The following BICC1 variants were observed in gnomAD, a reference collection of about 807,000 sequenced individuals.
The protein encoded by BICC1 is BicC family RNA binding protein 1.
Under a neutral mutation model 111.0 loss-of-function variants are expected in BICC1, and 43 were observed. The ratio of observed to expected loss-of-function variants is 0.39; its 90% CI spans 0.30 to 0.50. The LOEUF is 0.50. Ranked by LOEUF, BICC1 falls within the 20% of genes least tolerant of loss-of-function variation. BICC1 has a pLI of 0.88. For missense variants in BICC1, 1,091 were observed against 1,203.2 expected, an observed-to-expected ratio of 0.91 and a Z score of 1.38; for synonymous variants, 467 against 434.4, an observed-to-expected ratio of 1.07 and a Z score of -0.93.
At chr10:58,540,044 AATC>A (rs1842921503) in intron 1 of BICC1, among the ~76,000 whole-genome samples, 2 of 152,018 alleles carry the variant, frequency 1.3e-5, no homozygotes, top group Admixed American at 1.3e-4. Flanking sequence ...TCAAAGATGA[AATC>A]ATGGGAAATT....
intron 1 of BICC1, among the ~76,000 whole-genome samples, chr10:58,619,580 T>C (rs1465314967): frequency 6.6e-6 from 1 of 151,690 alleles, no homozygotes; most frequent in African/African-American, 2.4e-5. Context: ...GTTCAAGCAA[T>C]TCTCCTGCCT....
chr10:58,763,935 AG>A lies in BICC1; in HGVS notation c.308-21065del, dbSNP rs148174173. The stretch of plus-strand genomic sequence containing the variant: ...AATAAAGCCAAAGGGATCACTTCTA[AG>A]AGCAGAGGCAGAGAAGACAGGAAAC... On this transcript the variant is annotated intron_variant, in intron 3 of 20. Coordinates refer to ENST00000373886, the MANE Select transcript of BICC1 (RefSeq NM_001080512.3). Among the ~76,000 whole-genome samples, 417 of 152,200 alleles carry A rather than the reference AG, an allele frequency of 2.7e-3. 1 individual carries two copies. Among genetic ancestry groups the A allele is most frequent in the African/African-American group, 9.6e-3 (400 of 41,528 alleles).
intron 1 of BICC1, among the ~76,000 whole-genome samples, chr10:58,545,121 T>C (rs1373517225): frequency 6.6e-6 from 1 of 152,148 alleles, no homozygotes; most frequent in African/African-American, 2.4e-5. Context: ...TTAAGCCACC[T>C]AGTTGGTGGT....
Position 58,556,402 on chromosome 10 carries a change from C to T in BICC1, c.190+43069C>T, listed in dbSNP as rs72800554. Among the ~76,000 whole-genome samples the T allele has an allele frequency of 6.6e-3, 1,005 of 152,126 alleles. 6 individuals are homozygous for T. Among genetic ancestry groups the T allele is most frequent in the Admixed American group, 0.012 (189 of 15,252 alleles). On this transcript the variant is annotated intron_variant, in intron 1 of 20. Transcript: ENST00000373886. ...GATGGGCCATAAATCCCCTTAGCAT[C>T]AAAGTTTGCAGCTTGGTTAAGAGTA...
At chr10:58,610,520 G>T (rs1242795728) in intron 1 of BICC1, among the ~76,000 whole-genome samples, 1 of 151,968 alleles carries the variant, frequency 6.6e-6, no homozygotes, top group Non-Finnish European at 1.5e-5. Flanking sequence ...TGTGGGAAAT[G>T]AAATTTTAAA....
chr10:58,807,529 G>A (rs376795587), intron 17 of BICC1, among the ~76,000 whole-genome samples: 4 of 152,180 alleles, frequency 2.6e-5, no homozygotes, highest in South Asian at 2.1e-4. Flanking sequence ...GCAAGGTCAC[G>A]ATGGGGGAAA....
chr10:58,634,216 C>T (rs946543776), intron 2 of BICC1, among the ~76,000 whole-genome samples: 4 of 152,046 alleles, frequency 2.6e-5, no homozygotes, highest in African/African-American at 7.2e-5. Context: ...TGTTCTCAAA[C>T]TCCTGACCTC....
intron 1 of BICC1, among the ~76,000 whole-genome samples, chr10:58,574,872 A>C (rs1844061867): frequency 6.6e-6 from 1 of 152,136 alleles, no homozygotes; most frequent in Non-Finnish European, 1.5e-5. Context: ...AGACAGCTGC[A>C]TTCTCATTTC....
chr10:58,603,501 A>C (rs1845109131), intron 1 of BICC1, among the ~76,000 whole-genome samples: 1 of 152,166 alleles, frequency 6.6e-6, no homozygotes, highest in African/African-American at 2.4e-5. Flanking sequence ...GCACCCCGCT[A>C]CCTCTATGTA....
chr10:58,675,311 G>A (rs2132337778), intron 2 of BICC1, among the ~76,000 whole-genome samples: 1 of 152,236 alleles, frequency 6.6e-6, no homozygotes, highest in East Asian at 1.9e-4. Flanking sequence ...ATATGCATGT[G>A]TATTGGCTCA....
At chr10:58,583,536 A>G (rs986714290) in intron 1 of BICC1, among the ~76,000 whole-genome samples, 7 of 151,414 alleles carry the variant, frequency 4.6e-5, no homozygotes, top group Admixed American at 4.6e-4. Flanking sequence ...GGTTGCTGCT[A>G]ATGCCATTCT....
At chr10:58,563,349 T>C (rs1459166602) in intron 1 of BICC1, among the ~76,000 whole-genome samples, 2 of 152,082 alleles carry the variant, frequency 1.3e-5, no homozygotes, top group Non-Finnish European at 2.9e-5. Flanking sequence ...CTGACTAAAG[T>C]GTACTCCGCT....
At chr10:58,673,105 G>T (rs921084049) in intron 2 of BICC1, among the ~76,000 whole-genome samples, 1 of 152,094 alleles carries the variant, frequency 6.6e-6, no homozygotes, top group Non-Finnish European at 1.5e-5. Context: ...CTCCAGAGTA[G>T]CTTCTTTGGA....
chr10:58,649,582 C>T (rs537913970), intron 2 of BICC1, among the ~76,000 whole-genome samples: 12 of 152,140 alleles, frequency 7.9e-5, no homozygotes, highest in Non-Finnish European at 1.5e-4. Flanking sequence ...GAGAGCTGCA[C>T]CTGTGGAGGC....
chr10:58,627,750 G>A (rs1437525650), intron 2 of BICC1, among the ~76,000 whole-genome samples: 2 of 152,038 alleles, frequency 1.3e-5, no homozygotes, highest in Non-Finnish European at 2.9e-5. Context: ...TTATATCTTA[G>A]CGGGGGCATA....
intron 1 of BICC1, among the ~76,000 whole-genome samples, chr10:58,530,982 A>G (rs187622270): frequency 2.5e-4 from 38 of 151,936 alleles, no homozygotes; most frequent in African/African-American, 8.9e-4. Context: ...ACCAAGAACC[A>G]TGGTTTTGAA....
In BICC1 at chr10:58,831,133, CTT is replaced by C. The variant is rs1440166560; in HGVS notation, c.*2244_*2245del. 6.6e-6 allele frequency: 1 copy of C among 152,180 alleles called. No homozygotes were observed. The highest frequency in any genetic ancestry group is 1.5e-5 in the Non-Finnish European group (1 of 68,018). 9.4% of individuals were successfully genotyped at this position (152,180 alleles called of 1,614,324 possible). On this transcript the variant is annotated 3_prime_UTR_variant, in exon 21 of 21. Transcript: ENST00000373886. ...AAAACACTGGAAATTCTTTCTCTCA[CTT>C]TCTCTTGATGCAATGAAGGGAATAT...
intron 2 of BICC1, among the ~76,000 whole-genome samples, chr10:58,700,199 A>C (rs1840189097): frequency 6.6e-6 from 1 of 152,090 alleles, no homozygotes; most frequent in Non-Finnish European, 1.5e-5. Context: ...AGGTGGGAAA[A>C]ATAATTGTGG....
chr10:58,597,762 C>T (rs771940000), intron 1 of BICC1, among the ~76,000 whole-genome samples: 1 of 152,112 alleles, frequency 6.6e-6, no homozygotes, highest in Non-Finnish European at 1.5e-5. Flanking sequence ...AGCGATACCT[C>T]TCCTACTTGC....
Sources: allele counts gnomAD v4.1 joint callset (sites outside exome capture counted in the v4.1 genomes callset), GRCh38; gene constraint gnomAD v4.1.1; transcripts MANE v1.5; gene names NCBI Gene and HGNC (gene_info 2026-07-23, HGNC 2026-07-21).